Variants in FXR2 observed in about 807,000 individuals in gnomAD.
FXR2 encodes RNA-binding protein FXR2.
In FXR2, 9 loss-of-function variants were observed where a neutral mutation model predicts 87.3. The ratio of observed to expected loss-of-function variants is 0.10; its 90% CI spans 0.06 to 0.18. The LOEUF is 0.18. FXR2 is among the 10% of genes least tolerant of loss of function. The pLI is 1.00. For synonymous variants in FXR2, 331 were observed against 328.3 expected (o/e 1.01, Z -0.09); for missense variants, 661 against 893.6 (o/e 0.74, Z 3.32).
At position 7,595,261 on chromosome 17, in the gene FXR2, G is replaced by A. The variant is rs1321586598; in HGVS notation, c.832-504C>T. 2.6e-5 allele frequency among the ~76,000 whole-genome samples: 4 copies of A among 152,040 alleles called. No individual in the cohort carries two copies. Among genetic ancestry groups the A allele is most frequent in the Non-Finnish European group, 4.4e-5 (3 of 68,024 alleles). On this transcript the variant is annotated intron_variant, in intron 8 of 16. Coordinates refer to ENST00000250113, the MANE Select transcript of FXR2 (RefSeq NM_004860.4). This position sits in a 1 kb window ranked among gnomAD's most constrained non-coding sequence, Gnocchi z 4.7. Reference sequence around the variant, plus strand: ...GAGGCTAGGAGTTAACAACCAGCTTGGGCAACAGAGATCTGGTCTATTTTT... The same window carrying A: ...GAGGCTAGGAGTTAACAACCAGCTTAGGCAACAGAGATCTGGTCTATTTTT...
intron 1 of FXR2, among the ~76,000 whole-genome samples, chr17:7,606,764 T>C (rs920603834): frequency 1.3e-5 from 2 of 152,164 alleles, no homozygotes; most frequent in Non-Finnish European, 2.9e-5. Context: ...ACACTGATAA[T>C]TTATAAAGGA....
intron 7 of FXR2, among the ~76,000 whole-genome samples, chr17:7,597,087 A>G (rs1423269461): frequency 6.6e-6 from 1 of 152,080 alleles, no homozygotes; most frequent in Non-Finnish European, 1.5e-5. Context: ...TGACAGAGCA[A>G]AACTCTGTCT....
intron 7 of FXR2, among the ~76,000 whole-genome samples, chr17:7,600,647 A>G (rs2071747482): frequency 6.6e-6 from 1 of 151,958 alleles, no homozygotes; most frequent in African/African-American, 2.4e-5. Flanking sequence ...GCACTTTGGG[A>G]GGCCGAGGCA....
rs772058147 is a variant in FXR2, at chr17:7,592,438, TCA to T, written c.1825+64_1825+65del. 6.4e-7 allele frequency: 1 copy of T among 1,553,120 alleles called. No individual in the cohort carries two copies. Among genetic ancestry groups the T allele is most frequent in the Admixed American group, 1.7e-5 (1 of 59,924 alleles). On this transcript the variant is annotated intron_variant, in intron 15 of 16. Coordinates refer to ENST00000250113, the MANE Select transcript of FXR2 (RefSeq NM_004860.4). This position sits in a 1 kb window ranked among gnomAD's most constrained non-coding sequence, Gnocchi z 4.8. ...CCCACTGAACCCGAACCCCTGATTT[TCA>T]CAGGGGTGAGCATCCCATTCTCTCA...
At chr17:7,597,244 G>C (rs1054446172) in intron 7 of FXR2, among the ~76,000 whole-genome samples, 1 of 152,154 alleles carries the variant, frequency 6.6e-6, no homozygotes, top group Non-Finnish European at 1.5e-5. Flanking sequence ...ATCCCATGTT[G>C]TAAGCACCAA....
Position 7,611,938 on chromosome 17 carries a change from G to T in FXR2, c.81+2514C>A, listed in dbSNP as rs141442459. Among the ~76,000 whole-genome samples the T allele has an allele frequency of 4.1e-3, 620 of 152,276 alleles. 2 individuals carry two copies. Among genetic ancestry groups the T allele is most frequent in the Non-Finnish European group, 6.1e-3 (413 of 68,022 alleles). On this transcript the variant is annotated intron_variant, in intron 1 of 16. Coordinates refer to ENST00000250113, the MANE Select transcript of FXR2 (RefSeq NM_004860.4). ...AGGGCAGAAAATGCTAACCTGCCCA[G>T]ATCCACATTACCACATTACCTGGCT...
chr17:7,604,216 A>T, intron 3 of FXR2, 136 bp from the exon 4 acceptor site: 1 of 676,174 alleles, frequency 1.5e-6, no homozygotes, highest in Non-Finnish European at 2.6e-6. Context: ...AGGACTGCTT[A>T]TGCCCAGGAG....
At chr17:7,607,649 G>A (rs1206939875) in intron 1 of FXR2, among the ~76,000 whole-genome samples, 3 of 151,918 alleles carry the variant, frequency 2.0e-5, no homozygotes, top group East Asian at 1.9e-4. Context: ...GGTTGGTCTC[G>A]AACTCCTGAC....
Position 7,594,065 on chromosome 17 carries a change from C to A in FXR2, c.1021-61G>T, listed in dbSNP as rs778555919. On this transcript the variant is annotated intron_variant, in intron 10 of 16. Coordinates refer to ENST00000250113, the MANE Select transcript of FXR2 (RefSeq NM_004860.4). The surrounding 1 kb of genome is among the most constrained non-coding windows in gnomAD (Gnocchi z 5.1). ...GGAAAATGAAATGGAAGGATTAACG[C>A]CGCCCAGTCTCCTAGGGGAGCCTGC... 1.8e-4 allele frequency: 208 copies of A among 1,156,020 alleles called. No individual in the cohort carries two copies. Among genetic ancestry groups the A allele is most frequent in the Non-Finnish European group, 2.4e-4 (184 of 762,902 alleles). 71.6% of individuals were successfully genotyped at this position (1,156,020 alleles called of 1,614,324 possible). A position where few individuals can be genotyped will look rare whatever the true frequency, so the allele number is the denominator to read the frequency against.
At chr17:7,599,770 TG>T (rs1296039216) in intron 7 of FXR2, among the ~76,000 whole-genome samples, 1 of 151,970 alleles carries the variant, frequency 6.6e-6, no homozygotes, top group Non-Finnish European at 1.5e-5. Context: ...CCCAGCTACT[TG>T]GGAGGCTGAG....
At position 7,592,806 on chromosome 17, in the gene FXR2, G is replaced by C. The variant is rs138143492; in HGVS notation, c.1617C>G (p.Pro539=). ...AGCGGCGGCGCCTGGCACTTGCTGG[G>C]GGGGGTTCCCCAGGTTCTGAATCAA... The part of the protein sequence containing the change: ...PPVDSEPGEP[P]PASARRRRSR... Residue 539 remains proline (P), a synonymous_variant, in exon 14 of 17, where the codon CCC becomes CCG. Transcript: ENST00000250113. The surrounding 1 kb of genome is among the most constrained non-coding windows in gnomAD (Gnocchi z 4.8). 2.4e-5 allele frequency: 38 copies of C among 1,613,488 alleles called. No homozygotes were observed. The highest frequency in any genetic ancestry group is 1.3e-4 in the East Asian group (6 of 44,870).
chr17:7,614,608 G>A lies in FXR2; in HGVS notation c.-76C>T. ...GAGTGCGGGCCGGGCCAGGCCCCCGGCGTCTCCCCGGAGGAGGAGCCGGAG... is the reference window on the plus strand; with the variant it reads ...GAGTGCGGGCCGGGCCAGGCCCCCGACGTCTCCCCGGAGGAGGAGCCGGAG... On this transcript the variant is annotated 5_prime_UTR_variant, in exon 1 of 17. Transcript: ENST00000250113. 2.1e-6 allele frequency: 2 copies of A among 936,520 alleles called. No homozygotes were observed. Among genetic ancestry groups the A allele is most frequent in the Non-Finnish European group, 1.4e-6 (1 of 704,520 alleles). The allele number at this position is 936,520 out of a possible 1,614,324, so 58.0% of individuals were successfully genotyped here. A position where few individuals can be genotyped will look rare whatever the true frequency, so the allele number is the denominator to read the frequency against.
rs917962696 is a variant in FXR2 at position 7,592,034 on chromosome 17, G to C, written c.1927-109C>G. On this transcript the variant is annotated intron_variant, in intron 16 of 16. Coordinates refer to ENST00000250113, the MANE Select transcript of FXR2 (RefSeq NM_004860.4). The surrounding 1 kb of genome is among the most constrained non-coding windows in gnomAD (Gnocchi z 4.8). Reference sequence around the variant, plus strand: ...CCCTCCTGGCATTTGGTGATCCAGAGGTTGGTTCCCTGATCTCATGATCCA... The same window carrying C: ...CCCTCCTGGCATTTGGTGATCCAGACGTTGGTTCCCTGATCTCATGATCCA... 1.6e-6 allele frequency: 2 copies of C among 1,273,166 alleles called. No individual in the cohort carries two copies. Among genetic ancestry groups the C allele is most frequent in the Admixed American group, 2.6e-5 (1 of 37,870 alleles). The allele number at this position is 1,273,166 out of a possible 1,614,324, so 78.9% of individuals were successfully genotyped here.
chr17:7,608,616 CAA>C (rs67401228), intron 1 of FXR2, among the ~76,000 whole-genome samples: 11 of 134,144 alleles, frequency 8.2e-5, no homozygotes, highest in Admixed American at 1.5e-4. Flanking sequence ...AACTCTGCCT[CAA>C]AAAAAAAAAA....
intron 3 of FXR2, among the ~76,000 whole-genome samples, chr17:7,604,918 T>G (rs1430860351): frequency 6.6e-6 from 1 of 151,328 alleles, no homozygotes; most frequent in African/African-American, 2.4e-5. Flanking sequence ...AGATGGGGTT[T>G]CATCATGTTG....
chr17:7,591,741 C>T lies in FXR2; in HGVS notation c.*89G>A. 1 of 778,918 alleles carries T rather than the reference C, an allele frequency of 1.3e-6. No homozygotes were observed. The highest frequency in any genetic ancestry group is 1.4e-5 in the South Asian group (1 of 69,546). 48.3% of individuals were successfully genotyped at this position (778,918 alleles called of 1,614,324 possible). A position where few individuals can be genotyped will look rare whatever the true frequency, so the allele number is the denominator to read the frequency against. On this transcript the variant is annotated 3_prime_UTR_variant, in exon 17 of 17. Coordinates refer to ENST00000250113, the MANE Select transcript of FXR2 (RefSeq NM_004860.4). The surrounding 1 kb of genome is among the most constrained non-coding windows in gnomAD (Gnocchi z 4.0). The stretch of plus-strand genomic sequence containing the variant: ...CACCCCCCTCCCCCCTAGATAAGAG[C>T]AGCTCCAGCGCAGGTCAGTTGGGCC...
chr17:7,607,592 T>A (rs1031590357), intron 1 of FXR2, among the ~76,000 whole-genome samples: 17 of 151,588 alleles, frequency 1.1e-4, no homozygotes, highest in African/African-American at 4.1e-4. Context: ...CACACCAGGC[T>A]AATTTTTTAT....
Position 7,609,927 on chromosome 17 carries a change from T to A in FXR2, c.82-3778A>T, listed in dbSNP as rs547046394. ...ACATATATATGTATATATACATGTA[T>A]ATGTATATATATACATGTATATGTA... On this transcript the variant is annotated intron_variant, in intron 1 of 16. Transcript: ENST00000250113. Among the ~76,000 whole-genome samples, 178 of 122,646 alleles carry A rather than the reference T, an allele frequency of 1.5e-3. 2 individuals carry two copies. The highest frequency in any genetic ancestry group is 5.6e-3 in the African/African-American group (168 of 30,034). 80.5% of individuals were successfully genotyped at this position (122,646 alleles called of 152,430 possible).
rs2071658580 is a variant in FXR2 at position 7,591,407 on chromosome 17, T to C, written c.*423A>G. ...TGCCTCCCACCCACTTATCTCTTAC[T>C]ATCCCCGTCTTCCACAGTGATGAGG... On this transcript the variant is annotated 3_prime_UTR_variant, in exon 17 of 17. Coordinates refer to ENST00000250113, the MANE Select transcript of FXR2 (RefSeq NM_004860.4). The surrounding 1 kb of genome is among the most constrained non-coding windows in gnomAD (Gnocchi z 4.0). 4.9e-6 allele frequency: 1 copy of C among 203,120 alleles called. No homozygotes were observed. The highest frequency in any genetic ancestry group is 6.9e-5 in the South Asian group (1 of 14,550). 12.6% of individuals were successfully genotyped at this position (203,120 alleles called of 1,614,324 possible). A position where few individuals can be genotyped will look rare whatever the true frequency, so the allele number is the denominator to read the frequency against.
Sources: allele counts gnomAD v4.1 joint callset (sites outside exome capture counted in the v4.1 genomes callset), GRCh38; gene constraint gnomAD v4.1.1; non-coding constraint Gnocchi (gnomAD v3.1); transcripts MANE v1.5; gene names NCBI Gene and HGNC (gene_info 2026-07-23, HGNC 2026-07-21).